The following FAM171A1 variants were observed in gnomAD, a reference collection of about 807,000 sequenced individuals.
The protein encoded by FAM171A1 is family with sequence similarity 171 member A1, also known as protein FAM171A1.
In FAM171A1, 23 loss-of-function variants were observed where a neutral mutation model predicts 74.9. The ratio of observed to expected loss-of-function variants is 0.31; its 90% confidence interval spans 0.22 to 0.44. The LOEUF (loss-of-function observed/expected upper bound fraction) is 0.44. Among genes scored for constraint, FAM171A1 ranks in the 20% least tolerant of loss-of-function variants. The pLI is 1.00. For synonymous variants in FAM171A1, 527 were observed against 505.7 expected, an observed-to-expected ratio of 1.04 and a Z score of -0.57; for missense variants, 1,162 against 1,159.2, an observed-to-expected ratio of 1.00 and a Z score of -0.03.
chr10:15,374,054 A>G (rs1367736015), upstream of FAM171A1, among the ~76,000 whole-genome samples: 1 of 152,140 alleles, frequency 6.6e-6, no homozygotes, highest in Non-Finnish European at 1.5e-5. Flanking sequence ...GAAATGAAGA[A>G]CCCATGACTG....
intron 1 of FAM171A1, among the ~76,000 whole-genome samples, chr10:15,295,258 C>T (rs1471987188): frequency 1.3e-5 from 2 of 152,106 alleles, no homozygotes; most frequent in Non-Finnish European, 2.9e-5. Context: ...GTTTTTAATC[C>T]CCACTTTGTC....
At chr10:15,227,013 C>CT (rs2131723560) in intron 5 of FAM171A1, among the ~76,000 whole-genome samples, 1 of 152,226 alleles carries the variant, frequency 6.6e-6, no homozygotes, top group South Asian at 2.1e-4. Flanking sequence ...ACATATATTT[C>CT]TTTTTAGACA....
At chr10:15,234,674 A>G (rs1015286288) in intron 5 of FAM171A1, among the ~76,000 whole-genome samples, 1 of 147,720 alleles carries the variant, frequency 6.8e-6, no homozygotes, top group Non-Finnish European at 1.5e-5. Context: ...TTTTTTTGAG[A>G]CGGAGTCTTG....
At chr10:15,299,594 G>C (rs1325798030) in intron 1 of FAM171A1, among the ~76,000 whole-genome samples, 1 of 151,902 alleles carries the variant, frequency 6.6e-6, no homozygotes, top group Non-Finnish European at 1.5e-5. Flanking sequence ...ATGACTTTTA[G>C]CAAGTCATTA....
chr10:15,272,415 A>G (rs1227307523), intron 3 of FAM171A1, among the ~76,000 whole-genome samples: 1 of 152,230 alleles, frequency 6.6e-6, no homozygotes, highest in Non-Finnish European at 1.5e-5. Context: ...ACTTACAAAG[A>G]GTCTTAGACT....
chr10:15,329,937 T>A (rs1383135854), intron 1 of FAM171A1, among the ~76,000 whole-genome samples: 1 of 152,236 alleles, frequency 6.6e-6, no homozygotes, highest in East Asian at 1.9e-4. Flanking sequence ...AAGTTGTTTC[T>A]GGTAAACTTA....
At chr10:15,351,377 C>A (rs528413831) in intron 1 of FAM171A1, among the ~76,000 whole-genome samples, 1 of 152,144 alleles carries the variant, frequency 6.6e-6, no homozygotes, top group African/African-American at 2.4e-5. Context: ...AACACCTCCA[C>A]GCTGCAGCAG....
chr10:15,354,072 C>G (rs764708574), intron 1 of FAM171A1, among the ~76,000 whole-genome samples: 46 of 152,330 alleles, frequency 3.0e-4, no homozygotes, highest in Admixed American at 1.3e-3. Flanking sequence ...ACATGGACAG[C>G]CCAGGTGTGT....
intron 1 of FAM171A1, among the ~76,000 whole-genome samples, chr10:15,346,141 C>T (rs1310937687): frequency 6.6e-6 from 1 of 152,156 alleles, no homozygotes; most frequent in East Asian, 1.9e-4. Flanking sequence ...TGTCTTGTCA[C>T]CTAGGCTGGA....
chr10:15,350,514 T>C (rs1835865248), intron 1 of FAM171A1, among the ~76,000 whole-genome samples: 2 of 146,848 alleles, frequency 1.4e-5, no homozygotes, highest in South Asian at 4.4e-4. Context: ...GCTAATTTTT[T>C]GTATTTTTAG....
At chr10:15,224,677 T>C (rs1431151688) in intron 5 of FAM171A1, among the ~76,000 whole-genome samples, 1 of 152,174 alleles carries the variant, frequency 6.6e-6, no homozygotes, top group Non-Finnish European at 1.5e-5. Context: ...TTACAAGTTT[T>C]CTCTCTTGCC....
At chr10:15,292,164 C>A (rs1428889477) in intron 1 of FAM171A1, among the ~76,000 whole-genome samples, 1 of 152,032 alleles carries the variant, frequency 6.6e-6, no homozygotes, top group African/African-American at 2.4e-5. Flanking sequence ...CACACTAATC[C>A]CATGCACAAT....
intron 1 of FAM171A1, among the ~76,000 whole-genome samples, chr10:15,315,370 T>C (rs1267614748): frequency 6.6e-6 from 1 of 152,212 alleles, no homozygotes; most frequent in Non-Finnish European, 1.5e-5. Context: ...TGAGTGTTAG[T>C]TGTGTGGTTT....
intron 1 of FAM171A1, among the ~76,000 whole-genome samples, chr10:15,366,917 G>A (rs902739576): frequency 3.3e-5 from 5 of 152,220 alleles, no homozygotes; most frequent in Non-Finnish European, 7.3e-5. Flanking sequence ...CTGAGAAAGT[G>A]GCTGGGTGCA....
At chr10:15,237,367 A>T (rs1588505178) in intron 5 of FAM171A1, 1 of 152,220 alleles carries the variant, frequency 6.6e-6, no homozygotes, top group Admixed American at 6.5e-5. Context: ...ATTTTATGAA[A>T]GTTCTCATTT....
At chr10:15,278,540 T>C (rs1422329103) in intron 2 of FAM171A1, among the ~76,000 whole-genome samples, 1 of 152,198 alleles carries the variant, frequency 6.6e-6, no homozygotes, top group Non-Finnish European at 1.5e-5. Flanking sequence ...AAGTGTGGTA[T>C]TGTCTATATG....
intron 4 of FAM171A1, among the ~76,000 whole-genome samples, chr10:15,251,912 C>T (rs927492185): frequency 6.6e-6 from 1 of 152,112 alleles, no homozygotes. Flanking sequence ...TGTTGCGGGG[C>T]AGAACACCAC....
In FAM171A1 at chr10:15,370,874, CCCGCCG is replaced by C. The variant is rs564269771; in HGVS notation, c.97+76_97+81del. 145 of 656,378 alleles carry C rather than the reference CCCGCCG, an allele frequency of 2.2e-4. 1 individual carries two copies. Among genetic ancestry groups the C allele is most frequent in the Middle Eastern group, 7.9e-4 (1 of 1,270 alleles). 40.7% of individuals were successfully genotyped at this position (656,378 alleles called of 1,614,324 possible). On this transcript the variant is annotated intron_variant, in intron 1 of 7. Coordinates refer to ENST00000378116, the MANE Select transcript of FAM171A1 (RefSeq NM_001010924.2). ...TCGCCACCACGCGGCCCGGGACCCT[CCCGCCG>C]CCGCCGCCGCCGCCGCCGCCTCCGC...
intron 1 of FAM171A1, among the ~76,000 whole-genome samples, chr10:15,311,474 G>T (rs567026159): frequency 6.6e-6 from 1 of 152,172 alleles, no homozygotes; most frequent in Non-Finnish European, 1.5e-5. Flanking sequence ...CCTTCCCTGG[G>T]TAAATGCTTT....
Sources: allele counts gnomAD v4.1 joint callset (sites outside exome capture counted in the v4.1 genomes callset), GRCh38; gene constraint gnomAD v4.1.1; transcripts MANE v1.5; gene names NCBI Gene and HGNC (gene_info 2026-07-23, HGNC 2026-07-21).